NDUFA8: variants seen among roughly 807,000 people sequenced by gnomAD.
NDUFA8 encodes the protein NADH:ubiquinone oxidoreductase subunit A8.
In NDUFA8, 16 loss-of-function variants were observed where a neutral mutation model predicts 20.9. The observed-to-expected ratio is 0.77, with a 90% confidence interval of 0.52 to 1.16. The LOEUF is 1.16. Among genes scored for constraint, NDUFA8 ranks in the 50% most tolerant of loss-of-function variants. NDUFA8 has a pLI of 0.00. For missense variants in NDUFA8, 202 were observed against 216.4 expected (o/e 0.93, Z 0.42); for synonymous variants, 70 against 76.1 (o/e 0.92, Z 0.41).
chr9:122,158,110 G>A (rs999831308), intron 1 of NDUFA8, among the ~76,000 whole-genome samples: 7 of 152,222 alleles, frequency 4.6e-5, no homozygotes, highest in South Asian at 2.1e-4. Context: ...CCAATATCGC[G>A]CCACTGCACT....
At chr9:122,152,514 T>C (rs904960781) in intron 1 of NDUFA8, 106 bp from the exon 2 acceptor site, 6 of 1,086,044 alleles carry the variant, frequency 5.5e-6, no homozygotes, top group South Asian at 1.4e-5. Context: ...AGTAGCACTG[T>C]TCTGACTTTA....
Position 122,159,752 on chromosome 9 carries a change from C to T in NDUFA8, c.-75G>A. The T allele has an allele frequency of 6.2e-7, 1 of 1,604,286 alleles. No individual in the cohort carries two copies. Among genetic ancestry groups the T allele is most frequent in the Non-Finnish European group, 8.5e-7 (1 of 1,172,132 alleles). Reference sequence around the variant, plus strand: ...CGTCTCCTTGAACTCCCCTTTCGACCGCCGAGTGCCACACGGCGCCTGCGC... The same window carrying T: ...CGTCTCCTTGAACTCCCCTTTCGACTGCCGAGTGCCACACGGCGCCTGCGC... On this transcript the variant is annotated 5_prime_UTR_variant, in exon 1 of 4. Transcript: ENST00000373768.
the NDUFA8 span, among the ~76,000 whole-genome samples, chr9:122,135,255 T>C: frequency 6.6e-6 from 1 of 152,210 alleles, no homozygotes; most frequent in African/African-American, 2.4e-5. Flanking sequence ...CAAGGCAATG[T>C]ATAGTCATCT....
chr9:122,137,238 C>CTTTTTTTTTTTTTTTTTTTT, the NDUFA8 span, among the ~76,000 whole-genome samples: 1 of 106,588 alleles, frequency 9.4e-6, no homozygotes, highest in Non-Finnish European at 1.8e-5. Context: ...TTTTCCTTTC[C>CTTTTTTTTTTTTTTTTTTTT]TTTTTTTTTT....
rs147046306 is a variant in NDUFA8 at position 122,145,717 on chromosome 9, G to T, written c.382-1339C>A. Among the ~76,000 whole-genome samples the T allele has an allele frequency of 4.1e-3, 620 of 152,358 alleles. 4 individuals carry two copies. The highest frequency in any genetic ancestry group is 0.014 in the African/African-American group (594 of 41,580). Reference sequence around the variant, plus strand: ...CACACTAATGTCAGAGCTAAAGCTGGAACCTAAGTCTTCAAGTCTACTAGT... The same window carrying T: ...CACACTAATGTCAGAGCTAAAGCTGTAACCTAAGTCTTCAAGTCTACTAGT... On this transcript the variant is annotated intron_variant, in intron 3 of 3. Coordinates refer to ENST00000373768, the MANE Select transcript of NDUFA8 (RefSeq NM_014222.3).
At chr9:122,134,032 C>T in the NDUFA8 span, among the ~76,000 whole-genome samples, 5,862 of 152,280 alleles carry the variant, frequency 0.038, 122 homozygotes, top group African/African-American at 0.049. Context: ...TGGGCCTGAG[C>T]TCTCCATCTA....
intron 3 of NDUFA8, among the ~76,000 whole-genome samples, chr9:122,145,311 G>T (rs538170986): frequency 6.6e-6 from 1 of 152,330 alleles, no homozygotes; most frequent in South Asian, 2.1e-4. Context: ...CAGGAGAGTG[G>T]TGAAGTACTA....
In NDUFA8 at chr9:122,144,084, G is replaced by A; in HGVS notation, c.*157C>T. The A allele has an allele frequency of 2.0e-6, 3 of 1,494,930 alleles. No individual in the cohort carries two copies. Among genetic ancestry groups the A allele is most frequent in the East Asian group, 2.5e-5 (1 of 40,344 alleles). The allele number at this position is 1,494,930 out of a possible 1,614,324, so 92.6% of individuals were successfully genotyped here. The stretch of plus-strand genomic sequence containing the variant: ...TTCCTTTAAAAATTTTAATGGACAG[G>A]AAATGGTATAGAATAACTGCCAAGT... On this transcript the variant is annotated 3_prime_UTR_variant, in exon 4 of 4. Transcript: ENST00000373768.
At chr9:122,139,383 G>A (rs183471593), downstream of NDUFA8, among the ~76,000 whole-genome samples, 3 of 152,104 alleles carry the variant, frequency 2.0e-5, no homozygotes, top group Admixed American at 2.0e-4. Flanking sequence ...TATTAACCCT[G>A]TTTGGTTCCT....
chr9:122,152,541 C>A, intron 1 of NDUFA8, 133 bp from the exon 2 acceptor site: 1 of 783,006 alleles, frequency 1.3e-6, no homozygotes, highest in Non-Finnish European at 2.0e-6. Flanking sequence ...AAATTAAACA[C>A]TGTCATAATA....
At position 122,159,738 on chromosome 9, in the gene NDUFA8, A is replaced by T; in HGVS notation, c.-61T>A. 1.9e-6 allele frequency: 3 copies of T among 1,609,892 alleles called. No homozygotes were observed. The highest frequency in any genetic ancestry group is 1.7e-6 in the Non-Finnish European group (2 of 1,178,332). On this transcript the variant is annotated 5_prime_UTR_variant, in exon 1 of 4. Coordinates refer to ENST00000373768, the MANE Select transcript of NDUFA8 (RefSeq NM_014222.3). ...AGCCGCGTCGCCCCCGTCTCCTTGAACTCCCCTTTCGACCGCCGAGTGCCA... is the reference window on the plus strand; with the variant it reads ...AGCCGCGTCGCCCCCGTCTCCTTGATCTCCCCTTTCGACCGCCGAGTGCCA...
rs182064282 is a variant in NDUFA8 at position 122,144,223 on chromosome 9, T to C, written c.*18A>G. ...CGTTGTCTGAGCACATGACCGAGTG[T>C]GGGCCACGGACCCATCTTTACTTGG... On this transcript the variant is annotated 3_prime_UTR_variant, in exon 4 of 4. Coordinates refer to ENST00000373768, the MANE Select transcript of NDUFA8 (RefSeq NM_014222.3). The C allele has an allele frequency of 5.9e-4, 957 of 1,613,272 alleles. 8 individuals carry two copies. The African/African-American group carries it at 9.3e-3, about 16-fold the overall frequency.
intron 2 of NDUFA8, among the ~76,000 whole-genome samples, chr9:122,150,776 C>T (rs759159834): frequency 5.3e-5 from 8 of 151,926 alleles, no homozygotes; most frequent in Non-Finnish European, 8.8e-5. Flanking sequence ...TCAAGACCAG[C>T]CTGGCCAACA....
chr9:122,144,317 G>A lies in NDUFA8; in HGVS notation c.443C>T (p.Pro148Leu), dbSNP rs754604830. ...PENPYHSRPR[P>L]DPSPEIEGDL... ...TCCCTCGATCTCAGGGCTGGGATCCGGTCTTGGTCTTGAGTGATAGGGATT... is the reference window on the plus strand; with the variant it reads ...TCCCTCGATCTCAGGGCTGGGATCCAGTCTTGGTCTTGAGTGATAGGGATT... The change falls in exon 4 of 4, where the codon CCG becomes CTG. Residue 148 changes from proline (P) to leucine (L), a missense_variant. Coordinates refer to ENST00000373768, the MANE Select transcript of NDUFA8 (RefSeq NM_014222.3). The A allele has an allele frequency of 8.1e-6, 13 of 1,614,018 alleles. No homozygotes were observed. The highest frequency in any genetic ancestry group is 1.7e-5 in the Admixed American group (1 of 60,002).
chr9:122,144,944 A>C (rs2118695539), intron 3 of NDUFA8, among the ~76,000 whole-genome samples: 1 of 152,338 alleles, frequency 6.6e-6, no homozygotes, highest in Non-Finnish European at 1.5e-5. Context: ...GAAGCATCTC[A>C]CCAAGAACTT....
At chr9:122,144,524 G>A (rs765152282) in intron 3 of NDUFA8, 146 bp from the exon 4 acceptor site, 53 of 803,652 alleles carry the variant, frequency 6.6e-5, no homozygotes, top group African/African-American at 2.0e-4. Context: ...ACATTCAGAC[G>A]TATTTAATCA....
rs752468816 is a variant in NDUFA8 at position 122,148,138 on chromosome 9, G to A, written c.355C>T (p.Arg119Trp). 5.5e-5 allele frequency: 88 copies of A among 1,613,986 alleles called. No homozygotes were observed. Among genetic ancestry groups the A allele is most frequent in the East Asian group, 1.1e-4 (5 of 44,896 alleles). Residue 119 changes from arginine to tryptophan, a missense_variant, in exon 3 of 4, where the codon CGG becomes TGG. By Grantham distance (101) the Arg-to-Trp change is moderately radical (BLOSUM62 -3). Transcript: ENST00000373768. ...ECVLDKLGWV[R>W]PDLGELSKVT... ...TTTGACAGTTCTCCCAGGTCAGGCC[G>A]CACCCAGCCCAGTTTGTCCAGCACA...
rs80159002 is a variant in NDUFA8 at position 122,145,685 on chromosome 9, T to G, written c.382-1307A>C. Among the ~76,000 whole-genome samples the G allele has an allele frequency of 1.8e-4, 27 of 152,330 alleles. No homozygotes were observed. The East Asian group carries it at 5.0e-3, about 28-fold the overall frequency. ...ACCAGGGAGGTTGGCATGCCTAAGA[T>G]AAGATACACACTAATGTCAGAGCTA... On this transcript the variant is annotated intron_variant, in intron 3 of 3. Transcript: ENST00000373768.
At chr9:122,159,245 G>A (rs1829135470) in intron 1 of NDUFA8, among the ~76,000 whole-genome samples, 1 of 152,144 alleles carries the variant, frequency 6.6e-6, no homozygotes, top group African/African-American at 2.4e-5. Context: ...GTAGATGACC[G>A]TCTCCCTCGA....
Sources: allele counts gnomAD v4.1 joint callset (sites outside exome capture counted in the v4.1 genomes callset), GRCh38; gene constraint gnomAD v4.1.1; transcripts MANE v1.5; gene names NCBI Gene and HGNC (gene_info 2026-07-23, HGNC 2026-07-21).